Variants in RTN1 observed in about 807,000 individuals in gnomAD.
The protein encoded by RTN1 is reticulon-1.
A neutral mutation model predicts 65.5 loss-of-function variants in RTN1; 25 were observed. The observed-to-expected ratio is 0.38, with a 90% CI of 0.28 to 0.53. The LOEUF is 0.53. Among genes scored for constraint, RTN1 ranks in the 20% least tolerant of loss-of-function variants. RTN1 has a pLI of 0.79. For missense variants in RTN1, 983 were observed against 1,025.4 expected, an observed-to-expected ratio of 0.96 and a Z score of 0.57; for synonymous variants, 471 against 447.6, an observed-to-expected ratio of 1.05 and a Z score of -0.66.
intron 2 of RTN1, among the ~76,000 whole-genome samples, chr14:59,739,831 C>T (rs1480470915): frequency 6.6e-6 from 1 of 152,156 alleles, no homozygotes; most frequent in Non-Finnish European, 1.5e-5. Context: ...AAAATTCTTA[C>T]CTTGGATGGT....
chr14:59,616,227 A>T (rs1882096944), intron 3 of RTN1, among the ~76,000 whole-genome samples: 1 of 152,148 alleles, frequency 6.6e-6, no homozygotes, highest in East Asian at 1.9e-4. Flanking sequence ...TGTTATTCTA[A>T]TATAACTTAG....
intron 1 of RTN1, among the ~76,000 whole-genome samples, chr14:59,786,808 G>T (rs1886258481): frequency 6.6e-6 from 1 of 152,170 alleles, no homozygotes; most frequent in African/African-American, 2.4e-5. Flanking sequence ...ACATACCATT[G>T]TGAGAGAAAA....
At chr14:59,624,551 C>T (rs1057052628) in intron 3 of RTN1, among the ~76,000 whole-genome samples, 1 of 151,642 alleles carries the variant, frequency 6.6e-6, no homozygotes, top group Admixed American at 6.6e-5. Flanking sequence ...AACCTCTGCC[C>T]CCTGGGTTCA....
chr14:59,603,132 A>T lies in RTN1; in HGVS notation c.2230-9T>A. The T allele has an allele frequency of 6.2e-7, 1 of 1,610,420 alleles. No individual in the cohort carries two copies. The highest frequency in any genetic ancestry group is 1.7e-4 in the Middle Eastern group (1 of 6,050). ...TATTGGTCAATCTGTGCCTACATAA[A>T]GAAAAAAAAAATAATGAGCATATCC... On this transcript the variant is annotated splice_polypyrimidine_tract_variant and intron_variant, in intron 7 of 8. Coordinates refer to ENST00000267484, the MANE Select transcript of RTN1 (RefSeq NM_021136.3).
At chr14:59,863,667 C>G (rs990492372) in intron 1 of RTN1, among the ~76,000 whole-genome samples, 1 of 152,062 alleles carries the variant, frequency 6.6e-6, no homozygotes, top group Non-Finnish European at 1.5e-5. Flanking sequence ...ATAAGCAGAT[C>G]AGATCACTCC....
At chr14:59,602,956 C>T (rs1881624602) in intron 8 of RTN1, 109 bp downstream of exon 8, 2 of 745,688 alleles carry the variant, frequency 2.7e-6, no homozygotes, top group African/African-American at 1.8e-5. Flanking sequence ...AAGTGAATGA[C>T]CATAAATCAA....
intron 3 of RTN1, among the ~76,000 whole-genome samples, chr14:59,708,828 C>T (rs1884354529): frequency 6.6e-6 from 1 of 152,164 alleles, no homozygotes; most frequent in Non-Finnish European, 1.5e-5. Context: ...ATTCTATCAA[C>T]TATTCTATAT....
rs141351932 is a variant in RTN1 at position 59,689,318 on chromosome 14, G to T, written c.1765+37601C>A. ...TTTTAGAAATATGGGATTAGGTAAA[G>T]TTACTAAACCTATGAATTAGTGGCA... On this transcript the variant is annotated intron_variant, in intron 3 of 8. Transcript: ENST00000267484. 5.3e-4 allele frequency among the ~76,000 whole-genome samples: 80 copies of T among 152,310 alleles called. No homozygotes were observed. The South Asian group carries it at 8.7e-3, about 17-fold the overall frequency.
intron 1 of RTN1, among the ~76,000 whole-genome samples, chr14:59,863,373 G>A (rs932290517): frequency 6.6e-6 from 1 of 151,714 alleles, no homozygotes; most frequent in African/African-American, 2.4e-5. Flanking sequence ...TGTTTTTCCC[G>A]GCACTTTGAA....
intron 3 of RTN1, among the ~76,000 whole-genome samples, chr14:59,629,496 T>G (rs1246238803): frequency 6.6e-6 from 1 of 152,214 alleles, no homozygotes; most frequent in East Asian, 1.9e-4. Context: ...CCCTGCAGGT[T>G]AAATTAAACG....
intron 3 of RTN1, among the ~76,000 whole-genome samples, chr14:59,621,043 A>C (rs371670463): frequency 1.1e-4 from 17 of 152,334 alleles, no homozygotes; most frequent in African/African-American, 3.8e-4. Context: ...CAGAGAAGAG[A>C]ATTTCTGCAT....
At chr14:59,860,099 A>C (rs1887681443) in intron 1 of RTN1, among the ~76,000 whole-genome samples, 1 of 152,202 alleles carries the variant, frequency 6.6e-6, no homozygotes, top group Non-Finnish European at 1.5e-5. Flanking sequence ...CCCAAGACAA[A>C]GGGGAAAATG....
At chr14:59,799,982 C>T (rs948559688) in intron 1 of RTN1, among the ~76,000 whole-genome samples, 49 of 152,114 alleles carry the variant, frequency 3.2e-4, no homozygotes, top group African/African-American at 1.1e-3. Context: ...TTCCTATCTC[C>T]ACCCCCATAA....
At chr14:59,675,070 C>A (rs1252185743) in intron 3 of RTN1, among the ~76,000 whole-genome samples, 1 of 151,820 alleles carries the variant, frequency 6.6e-6, no homozygotes, top group East Asian at 1.9e-4. Context: ...CACACACACA[C>A]ACACACAAAC....
At chr14:59,625,156 C>T (rs1005880376) in intron 3 of RTN1, among the ~76,000 whole-genome samples, 7 of 152,030 alleles carry the variant, frequency 4.6e-5, no homozygotes, top group East Asian at 1.9e-4. Context: ...CTATAATGGA[C>T]GATGTCATCC....
intron 8 of RTN1, among the ~76,000 whole-genome samples, chr14:59,598,233 A>G (rs1837071791): frequency 6.6e-6 from 1 of 152,152 alleles, no homozygotes; most frequent in Admixed American, 6.5e-5. Context: ...AGGCTGCAGG[A>G]CCCACTTGAT....
chr14:59,798,024 A>T (rs1426439326), intron 1 of RTN1, among the ~76,000 whole-genome samples: 1 of 152,186 alleles, frequency 6.6e-6, no homozygotes, highest in African/African-American at 2.4e-5. Flanking sequence ...AAAATTATCC[A>T]TTTTAACAGA....
intron 3 of RTN1, among the ~76,000 whole-genome samples, chr14:59,659,628 T>A (rs1025755298): frequency 2.0e-5 from 3 of 152,268 alleles, no homozygotes; most frequent in African/African-American, 4.8e-5. Flanking sequence ...GAATTTCATA[T>A]CCAGCCAAAC....
At chr14:59,789,330 T>C (rs559359930) in intron 1 of RTN1, among the ~76,000 whole-genome samples, 2 of 152,276 alleles carry the variant, frequency 1.3e-5, no homozygotes, top group East Asian at 3.9e-4. Context: ...TGTTGTATGA[T>C]ATATGTTTAT....
Sources: allele counts gnomAD v4.1 joint callset (sites outside exome capture counted in the v4.1 genomes callset), GRCh38; gene constraint gnomAD v4.1.1; transcripts MANE v1.5; gene names NCBI Gene and HGNC (gene_info 2026-07-23, HGNC 2026-07-21).